PFDN1: variants seen among roughly 807,000 people sequenced by gnomAD.
PFDN1 encodes the protein prefoldin 1.
In PFDN1, 6 loss-of-function variants were observed where a neutral mutation model predicts 17.3. The ratio of observed to expected loss-of-function variants is 0.35; its 90% CI spans 0.19 to 0.69. PFDN1 has a LOEUF of 0.69. PFDN1 is among the 30% of genes least tolerant of loss of function. The pLI, the probability that PFDN1 is intolerant of heterozygous loss-of-function variation, is 0.65. For synonymous variants in PFDN1, 58 were observed against 50.1 expected, an observed-to-expected ratio of 1.16 and a Z score of -0.67; for missense variants, 113 against 146.2, an observed-to-expected ratio of 0.77 and a Z score of 1.17.
At chr5:140,270,475 T>C (rs1270229019) in intron 3 of PFDN1, among the ~76,000 whole-genome samples, 4 of 152,162 alleles carry the variant, frequency 2.6e-5, no homozygotes, top group African/African-American at 7.2e-5. Flanking sequence ...TCTGGGCTAA[T>C]TGGAATGCAA....
chr5:140,300,386 A>G, intron 2 of PFDN1, 30 bp downstream of exon 2: 2 of 1,516,596 alleles, frequency 1.3e-6, no homozygotes, highest in Non-Finnish European at 1.8e-6. Flanking sequence ...CACTCCCAAA[A>G]TAACTCCATT....
chr5:140,274,365 G>A (rs989404233), intron 3 of PFDN1, among the ~76,000 whole-genome samples: 39 of 152,142 alleles, frequency 2.6e-4, no homozygotes, highest in Non-Finnish European at 4.7e-4. Flanking sequence ...TTATGCTTGG[G>A]TACTTTTCAA....
chr5:140,246,242 G>A (rs925848982), intron 3 of PFDN1, among the ~76,000 whole-genome samples, 185 bp from the exon 4 acceptor site: 5 of 152,156 alleles, frequency 3.3e-5, no homozygotes, highest in Admixed American at 6.5e-5. Context: ...GGGTGATCAC[G>A]GGCAGGCAGC....
At chr5:140,251,880 A>C (rs1022969258) in intron 3 of PFDN1, among the ~76,000 whole-genome samples, 1 of 152,206 alleles carries the variant, frequency 6.6e-6, no homozygotes, top group African/African-American at 2.4e-5. Context: ...TTCTGACATG[A>C]CACAATCTCT....
In PFDN1 at chr5:140,245,963, A is replaced by C; in HGVS notation, c.*11T>G. Reference sequence around the variant, plus strand: ...GGAGGGGCAGGAGGAAGAGCTTCCCAGAGAGGCTCCCTACTGGGCCCTTCG... The same window carrying C: ...GGAGGGGCAGGAGGAAGAGCTTCCCCGAGAGGCTCCCTACTGGGCCCTTCG... On this transcript the variant is annotated 3_prime_UTR_variant, in exon 4 of 4. Coordinates refer to ENST00000261813, the MANE Select transcript of PFDN1 (RefSeq NM_002622.5). 1 of 1,517,948 alleles carries C rather than the reference A, an allele frequency of 6.6e-7. No homozygotes were observed. The highest frequency in any genetic ancestry group is 9.0e-7 in the Non-Finnish European group (1 of 1,115,386). The allele number at this position is 1,517,948 out of a possible 1,614,324, so 94.0% of individuals were successfully genotyped here. A position where few individuals can be genotyped will look rare whatever the true frequency, so the allele number is the denominator to read the frequency against.
intron 2 of PFDN1, among the ~76,000 whole-genome samples, chr5:140,284,813 C>T (rs564845449): frequency 2.0e-5 from 3 of 152,330 alleles, no homozygotes; most frequent in East Asian, 3.9e-4. Context: ...GAAATCAGTG[C>T]CACGTGCCTC....
At position 140,300,405 on chromosome 5, in the gene PFDN1, A is replaced by G. The variant is rs1409771750; in HGVS notation, c.200+11T>C. 6 of 1,577,208 alleles carry G rather than the reference A, an allele frequency of 3.8e-6. No individual in the cohort carries two copies. In the African/African-American group the frequency reaches 8.1e-5, roughly 21 times the overall value. On this transcript the variant is annotated intron_variant, in intron 2 of 3. Transcript: ENST00000261813. ...CCCAAAATAACTCCATTAAGGACAC[A>G]TTTTACTTACATTCTTCCTACACCT...
At chr5:140,264,057 A>AAAAAAAAAAAAAAAAC in intron 3 of PFDN1, among the ~76,000 whole-genome samples, 1 of 133,896 alleles carries the variant, frequency 7.5e-6, no homozygotes, top group Admixed American at 7.8e-5. Flanking sequence ...AAAAAAAAAA[A>AAAAAAAAAAAAAAAAC]AATCACGGTA....
chr5:140,276,780 C>CAAAAAAA (rs35889345), intron 3 of PFDN1, among the ~76,000 whole-genome samples: 11 of 46,726 alleles, frequency 2.4e-4, no homozygotes, highest in South Asian at 1.0e-3. Flanking sequence ...GACACCGTCT[C>CAAAAAAA]AAAAAAAAAA....
In PFDN1 at chr5:140,245,795, G is replaced by GT. The variant is rs1764820902; in HGVS notation, c.*178dup. 1 of 615,188 alleles carries GT rather than the reference G, an allele frequency of 1.6e-6. No individual in the cohort carries two copies. The highest frequency in any genetic ancestry group is 2.9e-6 in the Non-Finnish European group (1 of 344,752). 38.1% of individuals were successfully genotyped at this position (615,188 alleles called of 1,614,324 possible). A position where few individuals can be genotyped will look rare whatever the true frequency, so the allele number is the denominator to read the frequency against. On this transcript the variant is annotated 3_prime_UTR_variant, in exon 4 of 4. Transcript: ENST00000261813. ...GGGCAGAGGTGGCAGGCAAAGCCGGGTAAAAACTCCAGGGCTGGGAAGCAA... is the reference window on the plus strand; with the variant it reads ...GGGCAGAGGTGGCAGGCAAAGCCGGGTTAAAAACTCCAGGGCTGGGAAGCAA...
At chr5:140,278,651 A>G (rs1051700056) in intron 3 of PFDN1, among the ~76,000 whole-genome samples, 1 of 151,658 alleles carries the variant, frequency 6.6e-6, no homozygotes, top group Non-Finnish European at 1.5e-5. Context: ...CCCCCCCAAC[A>G]CTGTATTCTC....
chr5:140,259,563 T>C (rs1765034970), intron 3 of PFDN1, among the ~76,000 whole-genome samples: 2 of 152,154 alleles, frequency 1.3e-5, no homozygotes. Flanking sequence ...TAAGTGCCAA[T>C]ATTTCAGTTT....
intron 3 of PFDN1, among the ~76,000 whole-genome samples, chr5:140,256,871 C>T (rs1012376725): frequency 2.0e-5 from 3 of 152,038 alleles, no homozygotes; most frequent in African/African-American, 7.2e-5. Flanking sequence ...TCATCTCTTG[C>T]CTGGAGGTGT....
rs185783703 is a variant in PFDN1, at chr5:140,295,937, T to C, written c.200+4479A>G. ...TACATTGATATTATTATGCATAAAA[T>C]AGCCTTTATTCTCTAAGGATTATAC... On this transcript the variant is annotated intron_variant, in intron 2 of 3. Coordinates refer to ENST00000261813, the MANE Select transcript of PFDN1 (RefSeq NM_002622.5). 1.7e-4 allele frequency among the ~76,000 whole-genome samples: 26 copies of C among 152,222 alleles called. No homozygotes were observed. In the Middle Eastern group the frequency reaches 0.014, roughly 80 times the overall value.
chr5:140,298,853 C>T (rs905273011), intron 2 of PFDN1, among the ~76,000 whole-genome samples: 2 of 151,788 alleles, frequency 1.3e-5, no homozygotes, highest in Non-Finnish European at 2.9e-5. Context: ...CTCCTGGGTT[C>T]GAGCAGTTCT....
chr5:140,254,482 A>G lies in PFDN1; in HGVS notation c.286-8425T>C, dbSNP rs867582715. On this transcript the variant is annotated intron_variant, in intron 3 of 3. Transcript: ENST00000261813. The surrounding 1 kb of genome is among the most constrained non-coding windows in gnomAD (Gnocchi z 4.4). The stretch of plus-strand genomic sequence containing the variant: ...GGACTCCCCCCTCCTTGTTGCTTCA[A>G]TCTTCCAGTATCCTGGGCACTATCC... 1.3e-5 allele frequency among the ~76,000 whole-genome samples: 2 copies of G among 151,958 alleles called. No homozygotes were observed. The highest frequency in any genetic ancestry group is 4.8e-5 in the African/African-American group (2 of 41,360).
intron 3 of PFDN1, among the ~76,000 whole-genome samples, chr5:140,249,772 G>A (rs1208484580): frequency 6.6e-6 from 1 of 152,066 alleles, no homozygotes; most frequent in Non-Finnish European, 1.5e-5. Flanking sequence ...GAGGTGCCAG[G>A]CTCTTTTCAA....
intron 1 of PFDN1, among the ~76,000 whole-genome samples, chr5:140,302,205 C>A (rs1765758334): frequency 6.6e-6 from 1 of 152,212 alleles, no homozygotes; most frequent in Non-Finnish European, 1.5e-5. Context: ...ACAGACTTTT[C>A]TGGCACTGGT....
chr5:140,258,533 T>C (rs1327917998), intron 3 of PFDN1, among the ~76,000 whole-genome samples: 2 of 151,904 alleles, frequency 1.3e-5, no homozygotes, highest in African/African-American at 4.8e-5. Context: ...TGCAATCGTC[T>C]TGGAAAGAGA....
Sources: allele counts gnomAD v4.1 joint callset (sites outside exome capture counted in the v4.1 genomes callset), GRCh38; gene constraint gnomAD v4.1.1; non-coding constraint Gnocchi (gnomAD v3.1); transcripts MANE v1.5; gene names NCBI Gene and HGNC (gene_info 2026-07-23, HGNC 2026-07-21).